Variants in JPH3 observed in about 807,000 individuals in gnomAD.
JPH3 encodes the protein junctophilin-3.
JPH3 carries 11 observed loss-of-function variants against 59.6 expected under a neutral mutation model. The ratio of observed to expected loss-of-function variants is 0.18; its 90% confidence interval spans 0.12 to 0.31. JPH3 has a LOEUF of 0.31. Among genes scored for constraint, JPH3 ranks in the 10% least tolerant of loss-of-function variants. The pLI, the probability that JPH3 is intolerant of heterozygous loss-of-function variation, is 1.00. For synonymous variants in JPH3, 673 were observed against 483.6 expected (o/e 1.39, Z -5.14); for missense variants, 1,202 against 1,105.7 (o/e 1.09, Z -1.24).
chr16:87,696,802 G>A lies in JPH3; in HGVS notation c.*142G>A. ...CTCTCACAGAAGAACCACACGATTGGGTATCACTCACAGTTTGCCTTTTTT... is the reference window on the plus strand; with the variant it reads ...CTCTCACAGAAGAACCACACGATTGAGTATCACTCACAGTTTGCCTTTTTT... On this transcript the variant is annotated 3_prime_UTR_variant, in exon 5 of 5. Coordinates refer to ENST00000284262, the MANE Select transcript of JPH3 (RefSeq NM_020655.4). 3 of 682,534 alleles carry A rather than the reference G, an allele frequency of 4.4e-6. No individual in the cohort carries two copies. The highest frequency in any genetic ancestry group is 2.4e-4 in the Middle Eastern group (1 of 4,148). 42.3% of individuals were successfully genotyped at this position (682,534 alleles called of 1,614,324 possible).
At chr16:87,692,560 GCCACA>G (rs1384983065) in intron 4 of JPH3, among the ~76,000 whole-genome samples, 3 of 113,006 alleles carry the variant, frequency 2.7e-5, no homozygotes, top group African/African-American at 1.1e-4. Context: ...GGTCCCACTG[GCCACA>G]GATGGGCCTG....
chr16:87,602,907 C>G lies in JPH3; in HGVS notation c.-240C>G. The stretch of plus-strand genomic sequence containing the variant: ...CCTCCGGTCCTGTCTCCAGCGGGAG[C>G]GCGAGACGCTGGTCAGGCTCCGCGG... On this transcript the variant is annotated 5_prime_UTR_variant, in exon 1 of 5. Coordinates refer to ENST00000284262, the MANE Select transcript of JPH3 (RefSeq NM_020655.4). 1 of 288,766 alleles carries G rather than the reference C, an allele frequency of 3.5e-6. No individual in the cohort carries two copies. The highest frequency in any genetic ancestry group is 6.4e-6 in the Non-Finnish European group (1 of 157,344). The allele number at this position is 288,766 out of a possible 1,614,324, so 17.9% of individuals were successfully genotyped here.
At chr16:87,696,372 A>C (rs2033854205) in intron 4 of JPH3, 1 of 594,600 alleles carries the variant, frequency 1.7e-6, no homozygotes, top group Non-Finnish European at 3.0e-6. Context: ...TCAGACGTAC[A>C]GGCAGCTGGG....
chr16:87,630,940 G>C (rs2031546666), intron 1 of JPH3, among the ~76,000 whole-genome samples: 1 of 152,096 alleles, frequency 6.6e-6, no homozygotes, highest in Admixed American at 6.5e-5. Context: ...TGTAAGTATT[G>C]CTTACTGCTG....
At chr16:87,604,210 G>C in intron 1 of JPH3, 1 of 1,430,364 alleles carries the variant, frequency 7.0e-7, no homozygotes, top group Non-Finnish European at 9.2e-7. Context: ...ACCATTAGTT[G>C]AGGGAATCGA....
intron 2 of JPH3, among the ~76,000 whole-genome samples, chr16:87,669,314 T>C (rs958692378): frequency 6.6e-6 from 1 of 152,196 alleles, no homozygotes; most frequent in Non-Finnish European, 1.5e-5. Flanking sequence ...AAATCCCAGA[T>C]GGGATGTCTG....
chr16:87,632,553 C>A (rs901366257), intron 1 of JPH3, among the ~76,000 whole-genome samples: 4 of 152,176 alleles, frequency 2.6e-5, no homozygotes, highest in African/African-American at 9.7e-5. Flanking sequence ...CCCTCCTGGG[C>A]TGAAGCAGCT....
At chr16:87,641,513 C>T (rs1108476) in intron 1 of JPH3, among the ~76,000 whole-genome samples, 26,638 of 152,156 alleles carry the variant, frequency 0.18, 2,796 homozygotes, top group East Asian at 0.38. Flanking sequence ...GCTGACCTCT[C>T]GCTGAGACCA....
intron 1 of JPH3, among the ~76,000 whole-genome samples, chr16:87,614,274 C>T (rs1270759999): frequency 6.7e-6 from 1 of 149,166 alleles, no homozygotes; most frequent in Admixed American, 6.7e-5. Context: ...AAACACAGGT[C>T]CCTGTACACA....
Position 87,689,537 on chromosome 16 carries a change from C to G in JPH3, c.1286-109C>G. ...CTGCAGCCTTTCGGTGAGTGGGAAG[C>G]GCCTCTGCTGCCCTGAGGTTCCCTC... On this transcript the variant is annotated intron_variant, in intron 3 of 4. Coordinates refer to ENST00000284262, the MANE Select transcript of JPH3 (RefSeq NM_020655.4). 6 of 1,173,222 alleles carry G rather than the reference C, an allele frequency of 5.1e-6. No homozygotes were observed. In the South Asian group the frequency reaches 8.6e-5, roughly 17 times the overall value. The allele number at this position is 1,173,222 out of a possible 1,614,324, so 72.7% of individuals were successfully genotyped here. A position where few individuals can be genotyped will look rare whatever the true frequency, so the allele number is the denominator to read the frequency against.
intron 2 of JPH3, among the ~76,000 whole-genome samples, chr16:87,666,383 C>T (rs945648042): frequency 7.0e-6 from 1 of 143,202 alleles, no homozygotes; most frequent in African/African-American, 2.5e-5. Flanking sequence ...GCCACCGCGC[C>T]TGGCCTATTT....
intron 1 of JPH3, among the ~76,000 whole-genome samples, chr16:87,610,394 G>A (rs1429552218): frequency 2.6e-5 from 4 of 152,182 alleles, no homozygotes; most frequent in Admixed American, 6.5e-5. Flanking sequence ...AGGCAGCACT[G>A]GTCTGGAGTG....
chr16:87,651,771 C>G (rs1001572915), intron 2 of JPH3, among the ~76,000 whole-genome samples: 2 of 152,228 alleles, frequency 1.3e-5, no homozygotes, highest in Admixed American at 1.3e-4. Flanking sequence ...GGCGAAGATG[C>G]TGCAGACATT....
intron 3 of JPH3, among the ~76,000 whole-genome samples, chr16:87,689,035 T>G (rs2033487801): frequency 6.6e-6 from 1 of 152,112 alleles, no homozygotes; most frequent in South Asian, 2.1e-4. Flanking sequence ...GCTGCAGAGC[T>G]GGCCCCTGGG....
chr16:87,636,436 G>T (rs825584), intron 1 of JPH3, among the ~76,000 whole-genome samples: 1 of 152,054 alleles, frequency 6.6e-6, no homozygotes, highest in South Asian at 2.1e-4. Flanking sequence ...CAATAGCTCC[G>T]TCACAGTGGC....
intron 1 of JPH3, among the ~76,000 whole-genome samples, chr16:87,625,921 CAG>C (rs2150832031): frequency 6.6e-6 from 1 of 152,282 alleles, no homozygotes; most frequent in African/African-American, 2.4e-5. Flanking sequence ...ACCCAAAACT[CAG>C]GGCCTCAAGC....
intron 2 of JPH3, among the ~76,000 whole-genome samples, chr16:87,666,682 G>A (rs2032873347): frequency 6.6e-6 from 1 of 152,220 alleles, no homozygotes; most frequent in African/African-American, 2.4e-5. Context: ...ACCCCCTCCT[G>A]CCTTGGTCTC....
intron 2 of JPH3, among the ~76,000 whole-genome samples, chr16:87,662,039 A>G (rs2032721254): frequency 6.6e-6 from 1 of 152,216 alleles, no homozygotes. Context: ...TTTGATTTTT[A>G]AGGAATTTAA....
At chr16:87,690,733 T>C (rs2033547535) in intron 4 of JPH3, among the ~76,000 whole-genome samples, 1 of 152,198 alleles carries the variant, frequency 6.6e-6, no homozygotes, top group African/African-American at 2.4e-5. Context: ...GTCATACCTC[T>C]TTCCGTGAGA....
Sources: allele counts gnomAD v4.1 joint callset (sites outside exome capture counted in the v4.1 genomes callset), GRCh38; gene constraint gnomAD v4.1.1; transcripts MANE v1.5; gene names NCBI Gene and HGNC (gene_info 2026-07-23, HGNC 2026-07-21).